TXNRD2: variants seen among roughly 807,000 people sequenced by gnomAD.
TXNRD2 encodes the protein thioredoxin reductase 2, mitochondrial.
A neutral mutation model predicts 70.8 loss-of-function variants in TXNRD2; 67 were observed. The ratio of observed to expected loss-of-function variants is 0.95; its 90% CI spans 0.78 to 1.16. TXNRD2 has a LOEUF of 1.16. Among genes scored for constraint, TXNRD2 ranks in the 50% most tolerant of loss-of-function variants. The pLI is 0.00. For missense variants in TXNRD2, 644 were observed against 719.9 expected (o/e 0.89, Z 1.21); for synonymous variants, 301 against 295.8 (o/e 1.02, Z -0.18).
chr22:19,878,565 T>C, intron 14 of TXNRD2, 128 bp from the exon 15 acceptor site: 4 of 914,090 alleles, frequency 4.4e-6, no homozygotes, highest in East Asian at 4.8e-5. Context: ...GGCCTGAAGG[T>C]CTGGTCTGGG....
chr22:19,878,182 C>T lies in TXNRD2; in HGVS notation c.1353G>A (p.Val451=). Residue 451 remains valine (V), a synonymous_variant, in exon 16 of 18, where the codon GTG becomes GTA. Transcript: ENST00000400521. ...RDASQCYVKM[V]CLREPPQLVL... is the part of the protein sequence containing the mutation. ...CCAGCTGTGGGGGCTCCCTCAGGCA[C>T]ACCATCTGAAAGCCGCACATCTCAG... 2.5e-6 allele frequency: 4 copies of T among 1,613,148 alleles called. No homozygotes were observed. In the African/African-American group the frequency reaches 4.0e-5, roughly 16 times the overall value.
rs919971767 is a variant in TXNRD2 at position 19,878,408 on chromosome 22, C to G, written c.1305G>C (p.Glu435Asp). 1.2e-6 allele frequency: 2 copies of G among 1,613,852 alleles called. No homozygotes were observed. Among genetic ancestry groups the G allele is most frequent in the East Asian group, 2.2e-5 (1 of 44,890 alleles). The stretch of plus-strand genomic sequence containing the variant: ...ATGCATCTCGTCCAGCCACCGTGAA[C>G]TCCAGTGGTTTATAATGGGCGTGAT... The part of the protein sequence containing the change: ...EVYHAHYKPL[E>D]FTVAGRDASQ... Residue 435 changes from glutamate to aspartate, a missense_variant, in exon 15 of 18, where the codon GAG becomes GAC. Around this residue, in one of 3 missense-constraint regions of TXNRD2, gnomAD observed 566 missense variants for 645.0 expected, o/e 0.88. Transcript: ENST00000400521.
At chr22:19,931,131 T>C (rs1047452929) in intron 1 of TXNRD2, 33 bp from the exon 2 acceptor site, 1 of 1,602,306 alleles carries the variant, frequency 6.2e-7, no homozygotes, top group Non-Finnish European at 8.5e-7. Context: ...GGACGGACTG[T>C]CTGTCTGGTT....
At chr22:19,877,661 C>T (rs1938570732) in intron 16 of TXNRD2, among the ~76,000 whole-genome samples, 1 of 152,236 alleles carries the variant, frequency 6.6e-6, no homozygotes, top group Non-Finnish European at 1.5e-5. Context: ...GTCAACCCAC[C>T]CAGAGCCTTT....
chr22:19,933,154 G>A (rs1249994186), intron 1 of TXNRD2, among the ~76,000 whole-genome samples: 2 of 152,242 alleles, frequency 1.3e-5, no homozygotes, highest in East Asian at 1.9e-4. Context: ...CTGAGTGCAC[G>A]TGAGATGTGT....
chr22:19,909,910 CCACACCCTTCACACACA>C (rs1482239176), intron 8 of TXNRD2, among the ~76,000 whole-genome samples: 2 of 98,738 alleles, frequency 2.0e-5, no homozygotes, highest in Non-Finnish European at 4.2e-5. Context: ...CACCACACAC[CCACACCCTTCACACACA>C]CACACCACTC....
intron 11 of TXNRD2, among the ~76,000 whole-genome samples, chr22:19,891,916 G>C (rs1939278743): frequency 6.6e-6 from 1 of 152,240 alleles, no homozygotes; most frequent in African/African-American, 2.4e-5. Flanking sequence ...AGACTGCAGG[G>C]CCCACTTCGC....
chr22:19,898,451 C>T (rs1296124469), intron 9 of TXNRD2, among the ~76,000 whole-genome samples: 1 of 151,584 alleles, frequency 6.6e-6, no homozygotes, highest in Non-Finnish European at 1.5e-5. Context: ...GGACCTCAGC[C>T]ACGGGAGATG....
At chr22:19,934,029 G>T (rs1007982036) in intron 1 of TXNRD2, among the ~76,000 whole-genome samples, 5 of 152,222 alleles carry the variant, frequency 3.3e-5, no homozygotes, top group African/African-American at 1.2e-4. Context: ...ATGCAGCACT[G>T]CACCAGTGAG....
At chr22:19,902,929 G>C in intron 8 of TXNRD2, 1 of 518,728 alleles carries the variant, frequency 1.9e-6, no homozygotes, top group Non-Finnish European at 3.8e-6. Context: ...AATGATCGCA[G>C]TACCTGGCTG....
chr22:19,912,808 T>A (rs1008844177), intron 7 of TXNRD2, among the ~76,000 whole-genome samples: 3 of 152,178 alleles, frequency 2.0e-5, no homozygotes, highest in Admixed American at 2.0e-4. Context: ...TGGGGGTGCT[T>A]GTGCTCCTCG....
chr22:19,884,089 G>C (rs1054905236), intron 11 of TXNRD2: 10 of 154,492 alleles, frequency 6.5e-5, no homozygotes, highest in Admixed American at 5.2e-4. Flanking sequence ...GGGAGGTGTC[G>C]GTTGCAGTGA....
intron 11 of TXNRD2, among the ~76,000 whole-genome samples, chr22:19,893,304 G>C (rs533640160): frequency 5.3e-5 from 8 of 152,342 alleles, no homozygotes; most frequent in Non-Finnish European, 8.8e-5. Flanking sequence ...AAAGGCCTCG[G>C]AGAACTAACA....
chr22:19,915,336 G>T, intron 6 of TXNRD2, 60 bp from the exon 7 acceptor site: 2 of 1,557,698 alleles, frequency 1.3e-6, no homozygotes, highest in South Asian at 1.2e-5. Flanking sequence ...CCCCACCGGA[G>T]GGCCTGAGCA....
chr22:19,915,771 C>G lies in TXNRD2; in HGVS notation c.522G>C (p.Gly174=). 3 of 1,614,220 alleles carry G rather than the reference C, an allele frequency of 1.9e-6. No homozygotes were observed. Among genetic ancestry groups the G allele is most frequent in the Non-Finnish European group, 2.5e-6 (3 of 1,180,022 alleles). Residue 174 remains glycine (G), a synonymous_variant, in exon 6 of 18, where the codon GGG becomes GGC. Transcript: ENST00000400521. ...EHTVCGVAKG[G]KEILLSADHI... ...GAGTAAGTCAGATGCTCACCTCTTTCCCACCTTTGGCAACGCCGCAAACCG... is the reference window on the plus strand; with the variant it reads ...GAGTAAGTCAGATGCTCACCTCTTTGCCACCTTTGGCAACGCCGCAAACCG...
At chr22:19,904,483 G>A (rs1408129668) in intron 8 of TXNRD2, among the ~76,000 whole-genome samples, 9 of 152,236 alleles carry the variant, frequency 5.9e-5, no homozygotes, top group African/African-American at 1.2e-4. Context: ...GGGGCCCGAG[G>A]TGCACTGTGA....
intron 1 of TXNRD2, among the ~76,000 whole-genome samples, chr22:19,939,392 C>T (rs113053771): frequency 6.6e-6 from 1 of 152,230 alleles, no homozygotes; most frequent in African/African-American, 2.4e-5. Flanking sequence ...TTCTCTTCCT[C>T]CTTCAGCACT....
intron 3 of TXNRD2, 21 bp from the exon 4 acceptor site, chr22:19,919,025 AT>A: frequency 6.2e-7 from 1 of 1,603,468 alleles, no homozygotes; most frequent in Admixed American, 1.7e-5. Context: ...GGAAGAGCAC[AT>A]TTGAATTTAT....
chr22:19,897,574 G>A (rs747264413), intron 10 of TXNRD2, among the ~76,000 whole-genome samples: 5 of 152,068 alleles, frequency 3.3e-5, no homozygotes, highest in African/African-American at 7.2e-5. Flanking sequence ...AAGATCCCAC[G>A]GGCTGTCTCG....
Sources: gnomAD v4.1 joint callset for allele counts (sites outside exome capture counted in the v4.1 genomes callset) on GRCh38, gnomAD v4.1.1 for gene constraint, gnomAD v4.1.1 regional missense constraint, MANE v1.5 for transcripts, NCBI Gene and HGNC (gene_info 2026-07-23, HGNC 2026-07-21) for gene names.